Variants in COA1 observed in about 807,000 individuals in gnomAD.
COA1 encodes the protein cytochrome c oxidase assembly factor 1 homolog.
In COA1, 13 loss-of-function variants were observed where a neutral mutation model predicts 16.0. That is an observed-to-expected ratio of 0.81 (90% CI 0.53 to 1.29). The LOEUF is 1.29. Ranked by LOEUF, COA1 falls within the 50% of genes most tolerant of loss-of-function variation. The pLI, the probability that COA1 is intolerant of heterozygous loss-of-function variation, is 0.00. For missense variants in COA1, 179 were observed against 177.0 expected (o/e 1.01, Z -0.06); for synonymous variants, 65 against 65.7 (o/e 0.99, Z 0.05).
In COA1 at chr7:43,695,182, T is replaced by C. The variant is rs116814675; in HGVS notation, c.-39+34247A>G. On this transcript the variant is annotated intron_variant, in intron 1 of 5. Transcript: ENST00000223336. Reference sequence around the variant, plus strand: ...TACAGTCCCCTCTCAACAGAGCAACTAGTGTGATCCTTTTAAAGCCTAAAT... The same window carrying C: ...TACAGTCCCCTCTCAACAGAGCAACCAGTGTGATCCTTTTAAAGCCTAAAT... Among the ~76,000 whole-genome samples the C allele has an allele frequency of 2.1e-3, 310 of 150,870 alleles. 1 individual carries two copies. The highest frequency in any genetic ancestry group is 7.2e-3 in the African/African-American group (297 of 41,470).
At chr7:43,665,044 T>G (rs1014525952) in intron 1 of COA1, among the ~76,000 whole-genome samples, 2 of 151,982 alleles carry the variant, frequency 1.3e-5, no homozygotes, top group African/African-American at 2.4e-5. Flanking sequence ...AAACTCTGTC[T>G]CAAAATAAAA....
chr7:43,691,273 G>GA (rs202059399), intron 1 of COA1, among the ~76,000 whole-genome samples: 2,000 of 29,828 alleles, frequency 0.067, 81 homozygotes, highest in East Asian at 0.11. Context: ...AGAAAAGAAA[G>GA]AAAGAAAGAA....
At chr7:43,707,326 C>T (rs1031098029) in intron 1 of COA1, among the ~76,000 whole-genome samples, 2 of 152,182 alleles carry the variant, frequency 1.3e-5, no homozygotes, top group African/African-American at 4.8e-5. Flanking sequence ...AGGAAGATCT[C>T]ATATTGAATA....
intron 1 of COA1, among the ~76,000 whole-genome samples, chr7:43,685,405 C>T (rs944367485): frequency 1.3e-5 from 2 of 152,072 alleles, no homozygotes; most frequent in African/African-American, 4.8e-5. Flanking sequence ...ATCTACAACA[C>T]AAGATCTACA....
intron 1 of COA1, among the ~76,000 whole-genome samples, chr7:43,688,877 T>C (rs1341682649): frequency 1.3e-5 from 2 of 152,214 alleles, no homozygotes; most frequent in African/African-American, 2.4e-5. Flanking sequence ...CTAATCTTAA[T>C]ATAGTGATAT....
intron 1 of COA1, chr7:43,655,980 G>C (rs1028596308): frequency 6.6e-6 from 1 of 152,238 alleles, no homozygotes; most frequent in Non-Finnish European, 1.5e-5. Flanking sequence ...ATGGGTGGGA[G>C]GGAGAAGATG....
exon 7 of COA1, chr7:43,609,433 A>G (rs2082673010): frequency 6.6e-6 from 1 of 152,260 alleles, no homozygotes; most frequent in Admixed American, 6.5e-5. Context: ...AACACTTTCT[A>G]CCATCCTAAC....
At chr7:43,608,594 A>G in exon 7 of COA1, 1 of 525,402 alleles carries the variant, frequency 1.9e-6, no homozygotes, top group Admixed American at 3.8e-5. Context: ...TGTACATGGA[A>G]AGATACAAAA....
chr7:43,649,819 T>G (rs145013961), intron 1 of COA1: 1 of 152,260 alleles, frequency 6.6e-6, no homozygotes, highest in African/African-American at 2.4e-5. Flanking sequence ...TGTCTTTTTC[T>G]AATTTGCACA....
intron 1 of COA1, among the ~76,000 whole-genome samples, chr7:43,651,929 G>A (rs1438530489): frequency 6.6e-6 from 1 of 150,634 alleles, no homozygotes; most frequent in Non-Finnish European, 1.5e-5. Context: ...CCCAGGAGGT[G>A]GAGGTTGCCA....
intron 1 of COA1, among the ~76,000 whole-genome samples, chr7:43,698,191 C>A (rs75974820): frequency 0.012 from 1,787 of 152,170 alleles, 27 homozygotes; most frequent in African/African-American, 0.041. Context: ...GCATCATAGA[C>A]AATATGAAAA....
chr7:43,695,199 A>G (rs2094492111), intron 1 of COA1, among the ~76,000 whole-genome samples: 1 of 150,780 alleles, frequency 6.6e-6, no homozygotes, highest in African/African-American at 2.4e-5. Flanking sequence ...ATCCTTTTAA[A>G]GCCTAAATAA....
intron 6 of COA1, chr7:43,624,029 A>C (rs1199445816): frequency 1.7e-6 from 1 of 575,524 alleles, no homozygotes; most frequent in Admixed American, 4.1e-5. Context: ...AAACACAAAA[A>C]TGTTGACATA....
chr7:43,690,462 T>C (rs191866526), intron 1 of COA1, among the ~76,000 whole-genome samples: 16 of 151,858 alleles, frequency 1.1e-4, no homozygotes, highest in African/African-American at 3.4e-4. Context: ...CACACACACA[T>C]ATATGTATAT....
At chr7:43,615,982 T>TC (rs1452735669) in intron 6 of COA1, among the ~76,000 whole-genome samples, 1 of 152,178 alleles carries the variant, frequency 6.6e-6, no homozygotes, top group Non-Finnish European at 1.5e-5. Context: ...TGCTTTGAGT[T>TC]CCCCATAGTG....
chr7:43,724,120 C>G (rs2095564160), intron 1 of COA1, among the ~76,000 whole-genome samples: 2 of 152,208 alleles, frequency 1.3e-5, no homozygotes, highest in African/African-American at 4.8e-5. Flanking sequence ...TAATCCATGC[C>G]TAAATTACAC....
At chr7:43,644,710 T>TTAGATAGATAGA (rs764989171) in intron 4 of COA1, among the ~76,000 whole-genome samples, 3,195 of 56,640 alleles carry the variant, frequency 0.056, 98 homozygotes, top group East Asian at 0.11. Context: ...GATAGATAGA[T>TTAGATAGATAGA]TAGATAGATA....
At chr7:43,716,568 G>T (rs1171862561) in intron 1 of COA1, among the ~76,000 whole-genome samples, 1 of 152,144 alleles carries the variant, frequency 6.6e-6, no homozygotes, top group Non-Finnish European at 1.5e-5. Flanking sequence ...TTTTAAAAGG[G>T]AAACAGGGCA....
intron 1 of COA1, among the ~76,000 whole-genome samples, chr7:43,726,182 A>G (rs1202822417): frequency 1.3e-5 from 2 of 152,170 alleles, no homozygotes; most frequent in Non-Finnish European, 2.9e-5. Context: ...TAAAATAGAG[A>G]GTTAAATGAA....
Sources: allele counts gnomAD v4.1 joint callset (sites outside exome capture counted in the v4.1 genomes callset), GRCh38; gene constraint gnomAD v4.1.1; transcripts MANE v1.5; gene names NCBI Gene and HGNC (gene_info 2026-07-23, HGNC 2026-07-21).